The following SECISBP2 variants were observed in gnomAD, a reference collection of about 807,000 sequenced individuals.
SECISBP2 encodes the protein SECIS binding protein 2.
SECISBP2 carries 96 observed loss-of-function variants against 98.2 expected under a neutral mutation model. The observed-to-expected ratio is 0.98, with a 90% CI of 0.83 to 1.16. The LOEUF (loss-of-function observed/expected upper bound fraction) is 1.16, where lower values mean the gene tolerates loss of function less well. SECISBP2 is among the 50% of genes most tolerant of loss of function. The probability of loss-of-function intolerance (pLI) is 0.00; values close to 1 mark genes in which losing one functional copy is unlikely to be tolerated. For synonymous variants in SECISBP2, 407 were observed against 370.2 expected, an observed-to-expected ratio of 1.10 and a Z score of -1.14; for missense variants, 1,046 against 1,022.9, an observed-to-expected ratio of 1.02 and a Z score of -0.31.
chr9:89,326,095 A>G, intron 4 of SECISBP2, 57 bp downstream of exon 4: 1 of 1,585,190 alleles, frequency 6.3e-7, no homozygotes. Context: ...CCCCAGAAAC[A>G]TTCCTGCTAT....
rs935157731 is a variant in SECISBP2 at position 89,328,388 on chromosome 9, C to G, written c.575-272C>G. On this transcript the variant is annotated intron_variant, in intron 4 of 16. Coordinates refer to ENST00000375807, the MANE Select transcript of SECISBP2 (RefSeq NM_024077.5). The stretch of plus-strand genomic sequence containing the variant: ...CGTAATCCATTGCTGATCAGACCAT[C>G]ATATGTGGCGCGTGACTATACATAC... Among the ~76,000 whole-genome samples, 4 of 152,212 alleles carry G rather than the reference C, an allele frequency of 2.6e-5. No homozygotes were observed. In the South Asian group the frequency reaches 6.2e-4, roughly 24 times the overall value.
At chr9:89,319,882 G>T in intron 2 of SECISBP2, 85 bp downstream of exon 2, 2 of 1,375,988 alleles carry the variant, frequency 1.5e-6, no homozygotes, top group Non-Finnish European at 2.1e-6. Context: ...AGCAGTTACT[G>T]CACTAAAGTT....
At chr9:89,340,044 T>C in intron 9 of SECISBP2, 91 bp downstream of exon 9, 2 of 892,998 alleles carry the variant, frequency 2.2e-6, no homozygotes, top group Non-Finnish European at 3.7e-6. Context: ...CAGACATTTC[T>C]GTATGGTGAC....
At chr9:89,319,575 C>T in intron 1 of SECISBP2, 77 bp from the exon 2 acceptor site, 1 of 1,529,472 alleles carries the variant, frequency 6.5e-7, no homozygotes, top group Non-Finnish European at 9.1e-7. Flanking sequence ...ATTAGGAACA[C>T]CTCTTGGGTC....
chr9:89,331,932 A>C (rs75193510), intron 5 of SECISBP2, among the ~76,000 whole-genome samples: 1 of 152,200 alleles, frequency 6.6e-6, no homozygotes, highest in South Asian at 2.1e-4. Context: ...AAGTAGAAGG[A>C]TACTAATGAA....
downstream of SECISBP2, chr9:89,363,481 C>G (rs1281005890): frequency 6.2e-7 from 1 of 1,614,106 alleles, no homozygotes; most frequent in South Asian, 1.1e-5. Context: ...CAGCCACAGC[C>G]CTCCAGGCAG....
At chr9:89,357,671 G>T in intron 15 of SECISBP2, 106 bp downstream of exon 15, 1 of 1,399,504 alleles carries the variant, frequency 7.1e-7, no homozygotes. Flanking sequence ...ACCTCCAGTA[G>T]GCTGTCATTG....
At chr9:89,327,444 A>G (rs879030845) in intron 4 of SECISBP2, among the ~76,000 whole-genome samples, 1 of 152,222 alleles carries the variant, frequency 6.6e-6, no homozygotes, top group Admixed American at 6.5e-5. Context: ...CTCTTGTAAT[A>G]ACACTTACCT....
chr9:89,348,361 C>A, intron 12 of SECISBP2, 147 bp downstream of exon 12: 1 of 885,918 alleles, frequency 1.1e-6, no homozygotes, highest in Non-Finnish European at 1.9e-6. Flanking sequence ...CCCAGCTTTA[C>A]AGGGAAGGGA....
Position 89,358,733 on chromosome 9 carries a change from A to C in SECISBP2, c.2474A>C (p.Lys825Thr). 1 of 1,612,680 alleles carries C rather than the reference A, an allele frequency of 6.2e-7. No homozygotes were observed. The highest frequency in any genetic ancestry group is 1.3e-5 in the African/African-American group (1 of 75,030). Reference protein sequence around the residue: ...KEEPHYIEIWKKHLEAYSGCT... With the variant: ...KEEPHYIEIWTKHLEAYSGCT... ...TTTCTCATTTTAGTTGAAATCTGGA[A>C]AAAACATCTGGAAGCATACAGTGGA... Residue 825 changes from lysine (K) to threonine (T), a missense_variant, in exon 17 of 17, where the codon AAA (lysine) becomes ACA (threonine). Coordinates refer to ENST00000375807, the MANE Select transcript of SECISBP2 (RefSeq NM_024077.5).
downstream of SECISBP2, among the ~76,000 whole-genome samples, chr9:89,363,274 C>CG (rs148589026): frequency 3.3e-5 from 5 of 152,240 alleles, no homozygotes; most frequent in East Asian, 1.9e-4. Context: ...ATTTCCCCCC[C>CG]CAGTGTTGCA....
intron 4 of SECISBP2, 40 bp downstream of exon 4, chr9:89,326,078 C>T: frequency 1.2e-6 from 2 of 1,601,290 alleles, no homozygotes; most frequent in Non-Finnish European, 1.7e-6. Flanking sequence ...CGAGCCTACT[C>T]CTTGTGCCCC....
rs560173005 is a variant in SECISBP2, at chr9:89,333,467, C to T, written c.880+481C>T. Among the ~76,000 whole-genome samples, 3 of 152,320 alleles carry T rather than the reference C, an allele frequency of 2.0e-5. No homozygotes were observed. In the South Asian group the frequency reaches 6.2e-4, roughly 32 times the overall value. On this transcript the variant is annotated intron_variant, in intron 6 of 16. Transcript: ENST00000375807. ...TTTTCAAAATTAAAAAGCTGTAGTG[C>T]AGAGAGCAGCCTTGCTTTCCACTTG...
chr9:89,338,005 G>A (rs1024311321), intron 7 of SECISBP2, among the ~76,000 whole-genome samples: 1 of 152,240 alleles, frequency 6.6e-6, no homozygotes, highest in African/African-American at 2.4e-5. Flanking sequence ...TAGGAATGAT[G>A]AGGTCACATT....
chr9:89,358,645 A>G (rs530264449), intron 16 of SECISBP2, 76 bp from the exon 17 acceptor site: 3 of 967,284 alleles, frequency 3.1e-6, no homozygotes, highest in South Asian at 2.6e-5. Context: ...TCCCTCTCTC[A>G]TGCTGCTGGT....
At chr9:89,349,616 C>T (rs978134241) in intron 12 of SECISBP2, among the ~76,000 whole-genome samples, 160 bp from the exon 13 acceptor site, 23 of 152,250 alleles carry the variant, frequency 1.5e-4, no homozygotes, top group Admixed American at 1.4e-3. Flanking sequence ...GCATCCTCGT[C>T]TGTTTTTTCT....
At chr9:89,339,824 G>A (rs1829383481) in intron 8 of SECISBP2, 40 bp from the exon 9 acceptor site, 1 of 1,372,888 alleles carries the variant, frequency 7.3e-7, no homozygotes, top group African/African-American at 1.4e-5. Flanking sequence ...TGGCATGTTT[G>A]CATTAACAAA....
chr9:89,360,473 A>ATTCCTCCGCTTTG (rs1832678137), downstream of SECISBP2, among the ~76,000 whole-genome samples: 2 of 152,258 alleles, frequency 1.3e-5, no homozygotes, highest in African/African-American at 4.8e-5. Context: ...ACTAGAGATG[A>ATTCCTCCGCTTTG]ATTCCTCTGC....
At chr9:89,359,907 G>T (rs137916140), downstream of SECISBP2, among the ~76,000 whole-genome samples, 2 of 152,314 alleles carry the variant, frequency 1.3e-5, no homozygotes, top group East Asian at 3.9e-4. Flanking sequence ...TGGCAGGAAA[G>T]AATTTTCACT....
Sources: gnomAD v4.1 joint callset for allele counts (sites outside exome capture counted in the v4.1 genomes callset) on GRCh38, gnomAD v4.1.1 for gene constraint, MANE v1.5 for transcripts, NCBI Gene and HGNC (gene_info 2026-07-23, HGNC 2026-07-21) for gene names.